The following DGKB variants were observed in gnomAD, a reference collection of about 807,000 sequenced individuals.
DGKB encodes diacylglycerol kinase beta.
In DGKB, 67 loss-of-function variants were observed where a neutral mutation model predicts 114.3. That is an observed-to-expected ratio of 0.59 (90% CI 0.48 to 0.72). The LOEUF (loss-of-function observed/expected upper bound fraction) is 0.72, where lower values mean the gene tolerates loss of function less well. DGKB is among the 30% of genes least tolerant of loss of function. The probability of loss-of-function intolerance (pLI) is 0.00; values close to 1 mark genes in which losing one functional copy is unlikely to be tolerated. For synonymous variants in DGKB, 398 were observed against 323.1 expected, an observed-to-expected ratio of 1.23 and a Z score of -2.49; for missense variants, 907 against 975.2, an observed-to-expected ratio of 0.93 and a Z score of 0.93.
At chr7:14,714,077 A>T (rs769313565) in intron 6 of DGKB, among the ~76,000 whole-genome samples, 2 of 12,170 alleles carry the variant, frequency 1.6e-4, no homozygotes, top group Middle Eastern at 0.024. Flanking sequence ...ACCTGTTGAA[A>T]CACACACACA....
intron 13 of DGKB, among the ~76,000 whole-genome samples, chr7:14,653,112 C>T (rs1814959175): frequency 6.7e-6 from 1 of 150,370 alleles, no homozygotes; most frequent in Non-Finnish European, 1.5e-5. Context: ...CCTCAGGGAT[C>T]TAGAACTGGA....
chr7:14,516,973 A>G (rs954121870), intron 20 of DGKB, among the ~76,000 whole-genome samples: 3 of 152,154 alleles, frequency 2.0e-5, no homozygotes, highest in Non-Finnish European at 4.4e-5. Flanking sequence ...TTCATACAGA[A>G]CCAAAAAAGA....
intron 21 of DGKB, among the ~76,000 whole-genome samples, chr7:14,453,188 G>T (rs944020734): frequency 1.3e-5 from 2 of 152,132 alleles, no homozygotes; most frequent in African/African-American, 4.8e-5. Flanking sequence ...GTGAGGCACA[G>T]AAAGGGTTAA....
chr7:14,413,511 G>A (rs1825229181), intron 21 of DGKB, among the ~76,000 whole-genome samples: 1 of 152,074 alleles, frequency 6.6e-6, no homozygotes, highest in African/African-American at 2.4e-5. Context: ...TAAAAGTTAC[G>A]AGGTTACATA....
At chr7:14,363,663 G>A (rs1456395939) in intron 21 of DGKB, among the ~76,000 whole-genome samples, 3 of 152,042 alleles carry the variant, frequency 2.0e-5, no homozygotes, top group Admixed American at 6.6e-5. Flanking sequence ...ACAGTTAGTA[G>A]CAGCTCTTAT....
chr7:14,704,280 A>T (rs1221117006), intron 6 of DGKB, among the ~76,000 whole-genome samples: 26 of 24,390 alleles, frequency 1.1e-3, no homozygotes, highest in African/African-American at 6.7e-3. Context: ...CTAAAAATAC[A>T]AAAAAAAAAA....
intron 21 of DGKB, among the ~76,000 whole-genome samples, chr7:14,393,170 T>C (rs1821672282): frequency 6.6e-6 from 1 of 151,736 alleles, no homozygotes. Context: ...TTTGTATTTT[T>C]AGTAGAGACG....
intron 22 of DGKB, among the ~76,000 whole-genome samples, chr7:14,339,052 G>A: frequency 6.6e-6 from 1 of 151,928 alleles, no homozygotes; most frequent in East Asian, 1.9e-4. Context: ...GGTTAATTCT[G>A]GAAACTATGG....
At chr7:14,861,266 A>G (rs1029637516) in intron 1 of DGKB, among the ~76,000 whole-genome samples, 1 of 152,004 alleles carries the variant, frequency 6.6e-6, no homozygotes, top group Non-Finnish European at 1.5e-5. Flanking sequence ...GCTCAGTTAT[A>G]TGTTCAAAAA....
chr7:14,903,711 T>C (rs115102412), upstream of DGKB, among the ~76,000 whole-genome samples: 2,774 of 152,272 alleles, frequency 0.018, 78 homozygotes, highest in African/African-American at 0.063. Flanking sequence ...TCTATGTATG[T>C]GTAACCAATC....
At chr7:14,633,342 G>C (rs952120233) in intron 13 of DGKB, among the ~76,000 whole-genome samples, 1 of 151,858 alleles carries the variant, frequency 6.6e-6, no homozygotes, top group African/African-American at 2.4e-5. Context: ...AAAGCCACCA[G>C]CCCTAAGAAT....
intron 2 of DGKB, among the ~76,000 whole-genome samples, chr7:14,807,253 T>C (rs1842889751): frequency 6.6e-6 from 1 of 152,026 alleles, no homozygotes; most frequent in African/African-American, 2.4e-5. Flanking sequence ...TTCCTCTGTT[T>C]CACCTACTAT....
intron 5 of DGKB, among the ~76,000 whole-genome samples, chr7:14,721,665 G>A (rs143350934): frequency 1.1e-3 from 169 of 152,106 alleles, no homozygotes; most frequent in Non-Finnish European, 1.9e-3. Context: ...AGAAATATGG[G>A]CATATATTCA....
intron 20 of DGKB, among the ~76,000 whole-genome samples, chr7:14,563,634 T>A (rs116654599): frequency 0.011 from 1,545 of 141,822 alleles, 30 homozygotes; most frequent in African/African-American, 0.039. Flanking sequence ...AGATAAATCA[T>A]ACAACTCTGT....
chr7:14,933,877 A>T (rs2128251912), intron 1 of DGKB, among the ~76,000 whole-genome samples: 1 of 152,170 alleles, frequency 6.6e-6, no homozygotes, highest in South Asian at 2.1e-4. Context: ...ATTACAAAAA[A>T]TTGCTTTTTT....
At chr7:14,661,625 G>C (rs1320142440) in intron 13 of DGKB, among the ~76,000 whole-genome samples, 1 of 151,990 alleles carries the variant, frequency 6.6e-6, no homozygotes, top group Non-Finnish European at 1.5e-5. Flanking sequence ...AACTAGTTCA[G>C]CCATTGTGGA....
intron 9 of DGKB, among the ~76,000 whole-genome samples, chr7:14,689,207 T>TATTTTTA (rs71004326): frequency 8.0e-6 from 1 of 125,020 alleles, no homozygotes; most frequent in East Asian, 2.5e-4. Context: ...TTATTTTTTT[T>TATTTTTA]TTTTTTTTTT....
chr7:14,367,429 A>T (rs1289164863), intron 21 of DGKB, among the ~76,000 whole-genome samples: 1 of 151,406 alleles, frequency 6.6e-6, no homozygotes, highest in East Asian at 2.0e-4. Flanking sequence ...CCCTGCACAC[A>T]CTCTTGCCTG....
At chr7:14,174,500 G>A (rs1781442382) in intron 25 of DGKB, among the ~76,000 whole-genome samples, 1 of 152,088 alleles carries the variant, frequency 6.6e-6, no homozygotes, top group African/African-American at 2.4e-5. Flanking sequence ...CCTGAGAAGA[G>A]TCCAAAATAA....
Sources: allele counts gnomAD v4.1 joint callset (sites outside exome capture counted in the v4.1 genomes callset), GRCh38; gene constraint gnomAD v4.1.1; transcripts MANE v1.5; gene names NCBI Gene and HGNC (gene_info 2026-07-23, HGNC 2026-07-21).